WWOX: variants seen among roughly 807,000 people sequenced by gnomAD.
WWOX encodes the protein WW domain-containing oxidoreductase.
WWOX carries 69 observed loss-of-function variants against 46.2 expected under a neutral mutation model. That is an observed-to-expected ratio of 1.49 (90% CI 1.23 to 1.82). The LOEUF is 1.82. Ranked by LOEUF, WWOX falls within the 40% of genes most tolerant of loss-of-function variation. WWOX has a pLI of 0.00. For missense variants in WWOX, 919 were observed against 542.6 expected, an observed-to-expected ratio of 1.69 and a Z score of -6.89; for synonymous variants, 359 against 202.6, an observed-to-expected ratio of 1.77 and a Z score of -6.56.
chr16:78,365,604 T>A (rs539090194), intron 5 of WWOX, among the ~76,000 whole-genome samples: 8 of 152,222 alleles, frequency 5.3e-5, no homozygotes, highest in African/African-American at 1.7e-4. Flanking sequence ...TGTAATTCTT[T>A]CCACATTATG....
chr16:78,396,564 T>C lies in WWOX; in HGVS notation c.605+9616T>C, dbSNP rs548831132. 1.6e-3 allele frequency among the ~76,000 whole-genome samples: 237 copies of C among 152,304 alleles called. 2 individuals are homozygous for C. The highest frequency in any genetic ancestry group is 3.4e-4 in the Non-Finnish European group (23 of 68,028). ...ATACAATTACCCCAGGGTTGTCTTT[T>C]CCCACTCCTCACAATCCCACCAGTG... On this transcript the variant is annotated intron_variant, in intron 6 of 8. Transcript: ENST00000566780.
intron 8 of WWOX, among the ~76,000 whole-genome samples, chr16:79,121,650 G>C (rs1034926289): frequency 2.6e-5 from 4 of 152,150 alleles, no homozygotes; most frequent in African/African-American, 9.7e-5. Flanking sequence ...AAGGTGGGAG[G>C]TGTGTTTTGG....
chr16:78,629,234 A>ATTTTTTTT (rs113735206), intron 8 of WWOX, among the ~76,000 whole-genome samples: 1 of 148,490 alleles, frequency 6.7e-6, no homozygotes, highest in African/African-American at 2.5e-5. Context: ...TCTCTTGGGT[A>ATTTTTTTT]TTTTATTTTT....
At chr16:79,048,912 A>AC (rs1450627017) in intron 8 of WWOX, among the ~76,000 whole-genome samples, 2 of 151,940 alleles carry the variant, frequency 1.3e-5, no homozygotes, top group Non-Finnish European at 2.9e-5. Flanking sequence ...ACTGTAAGGG[A>AC]CCCCCGCCTT....
At chr16:78,593,223 T>C (rs1347220752) in intron 8 of WWOX, among the ~76,000 whole-genome samples, 1 of 151,376 alleles carries the variant, frequency 6.6e-6, no homozygotes, top group Non-Finnish European at 1.5e-5. Context: ...TTTTTATGTG[T>C]ATAGATGGGA....
intron 8 of WWOX, among the ~76,000 whole-genome samples, chr16:78,648,596 C>T (rs2046897581): frequency 6.6e-6 from 1 of 152,188 alleles, no homozygotes; most frequent in African/African-American, 2.4e-5. Flanking sequence ...TTTGTCCCCA[C>T]TTCCAACGCA....
chr16:78,859,379 A>G (rs2151189855), intron 8 of WWOX, among the ~76,000 whole-genome samples: 1 of 152,196 alleles, frequency 6.6e-6, no homozygotes, highest in South Asian at 2.1e-4. Context: ...CTTCCAGAAA[A>G]GAGCAGAGGT....
chr16:78,761,920 G>A (rs1049507198), intron 8 of WWOX, among the ~76,000 whole-genome samples: 4 of 152,178 alleles, frequency 2.6e-5, no homozygotes, highest in African/African-American at 9.7e-5. Context: ...GTGTGAGTGT[G>A]TGAGGGGATC....
chr16:78,574,912 T>C (rs1470713940), intron 8 of WWOX, among the ~76,000 whole-genome samples: 1 of 145,112 alleles, frequency 6.9e-6, no homozygotes. Context: ...TGTTAATTAA[T>C]TCGATTGTGA....
chr16:79,098,304 G>C (rs747867242), intron 8 of WWOX, among the ~76,000 whole-genome samples: 1 of 152,214 alleles, frequency 6.6e-6, no homozygotes, highest in African/African-American at 2.4e-5. Context: ...CTGAGTCTCA[G>C]TGTCTGAGAC....
chr16:78,951,696 A>G (rs7206333), intron 8 of WWOX, among the ~76,000 whole-genome samples: 100,387 of 152,050 alleles, frequency 0.66, 33,714 homozygotes, highest in East Asian at 0.91. Context: ...GGTTCTACCC[A>G]GTACCGGGGA....
At chr16:78,975,936 C>A (rs2046563675) in intron 8 of WWOX, among the ~76,000 whole-genome samples, 1 of 152,208 alleles carries the variant, frequency 6.6e-6, no homozygotes, top group South Asian at 2.1e-4. Context: ...GCCCTGCCAC[C>A]CTCCATCCCC....
intron 6 of WWOX, among the ~76,000 whole-genome samples, chr16:78,407,520 C>T (rs1474458361): frequency 2.0e-5 from 3 of 152,214 alleles, no homozygotes; most frequent in African/African-American, 7.2e-5. Context: ...TACAAATCTT[C>T]TGTGTAACTC....
chr16:78,321,441 T>TA (rs2080481090), intron 5 of WWOX, among the ~76,000 whole-genome samples: 1 of 148,394 alleles, frequency 6.7e-6, no homozygotes, highest in African/African-American at 2.5e-5. Flanking sequence ...TATAAAAATA[T>TA]ATTTAAATAA....
At chr16:78,635,283 C>T (rs2046540817) in intron 8 of WWOX, among the ~76,000 whole-genome samples, 1 of 152,114 alleles carries the variant, frequency 6.6e-6, no homozygotes, top group Admixed American at 6.5e-5. Context: ...TGGACAGATG[C>T]CTGGTTGTCC....
chr16:78,722,671 G>T (rs2048722067), intron 8 of WWOX, among the ~76,000 whole-genome samples: 1 of 147,128 alleles, frequency 6.8e-6, no homozygotes, highest in Non-Finnish European at 1.5e-5. Context: ...ACTGGAGCAT[G>T]ATTTAAAGGA....
intron 8 of WWOX, among the ~76,000 whole-genome samples, chr16:78,504,774 G>A (rs560766904): frequency 6.6e-6 from 1 of 151,958 alleles, no homozygotes; most frequent in South Asian, 2.1e-4. Context: ...AAGCCTCCCC[G>A]TTTACATGCC....
chr16:78,492,921 A>G (rs937842315), intron 8 of WWOX, among the ~76,000 whole-genome samples: 1 of 152,146 alleles, frequency 6.6e-6, no homozygotes, highest in Non-Finnish European at 1.5e-5. Context: ...TTCACGACAG[A>G]CATCACTAAT....
chr16:78,402,476 G>A (rs1254175443), intron 6 of WWOX, among the ~76,000 whole-genome samples: 1 of 152,158 alleles, frequency 6.6e-6, no homozygotes, highest in Non-Finnish European at 1.5e-5. Flanking sequence ...AACATCATGG[G>A]TGGGGGGTTG....
Sources: gnomAD v4.1 joint callset for allele counts (sites outside exome capture counted in the v4.1 genomes callset) on GRCh38, gnomAD v4.1.1 for gene constraint, MANE v1.5 for transcripts, NCBI Gene and HGNC (gene_info 2026-07-23, HGNC 2026-07-21) for gene names.